DLG1: variants seen among roughly 807,000 people sequenced by gnomAD.
DLG1 encodes disks large homolog 1.
DLG1 carries 42 observed loss-of-function variants against 123.4 expected under a neutral mutation model. The ratio of observed to expected loss-of-function variants is 0.34; its 90% CI spans 0.27 to 0.44. The LOEUF is 0.44. Among genes scored for constraint, DLG1 ranks in the 20% least tolerant of loss-of-function variants. The probability of loss-of-function intolerance (pLI) is 1.00; values close to 1 mark genes in which losing one functional copy is unlikely to be tolerated. For synonymous variants in DLG1, 317 were observed against 356.2 expected, an observed-to-expected ratio of 0.89 and a Z score of 1.24; for missense variants, 942 against 1,082.6, an observed-to-expected ratio of 0.87 and a Z score of 1.82.
intron 11 of DLG1, among the ~76,000 whole-genome samples, chr3:197,123,710 C>T (rs972033162): frequency 1.3e-5 from 2 of 152,044 alleles, no homozygotes; most frequent in African/African-American, 4.8e-5. Flanking sequence ...ATATGCCTAC[C>T]CTGTAACACA....
chr3:197,065,902 T>C, intron 20 of DLG1, 93 bp from the exon 21 acceptor site: 1 of 776,190 alleles, frequency 1.3e-6, no homozygotes, highest in South Asian at 2.0e-5. Context: ...CCTTAACTGT[T>C]ATGACTAATT....
chr3:197,129,877 G>C (rs1245943723), intron 11 of DLG1, among the ~76,000 whole-genome samples: 1 of 152,034 alleles, frequency 6.6e-6, no homozygotes, highest in Non-Finnish European at 1.5e-5. Context: ...ATATGAGTGT[G>C]GTTGTGGCAC....
chr3:197,185,650 T>C lies in DLG1; in HGVS notation c.483+8775A>G, dbSNP rs376449189. On this transcript the variant is annotated intron_variant, in intron 5 of 24. Coordinates refer to ENST00000667157, the MANE Select transcript of DLG1 (RefSeq NM_001366207.1). ...ACCAGGTACCTAGTAAAGACCTGAT[T>C]AGTGTGGTTTATATAAATGCTACGG... is the stretch of plus-strand genomic sequence containing the variant. Among the ~76,000 whole-genome samples, 5 of 152,270 alleles carry C rather than the reference T, an allele frequency of 3.3e-5. No individual in the cohort carries two copies. The South Asian group carries it at 8.3e-4, about 25-fold the overall frequency.
intron 23 of DLG1, 81 bp from the exon 24 acceptor site, chr3:197,051,749 T>C: frequency 2.0e-6 from 2 of 994,398 alleles, no homozygotes; most frequent in Non-Finnish European, 2.9e-6. Flanking sequence ...AGATGACACA[T>C]AAAATAGAAA....
At chr3:197,282,636 T>C (rs768781885) in intron 4 of DLG1, 43 bp downstream of exon 4, 9 of 1,343,008 alleles carry the variant, frequency 6.7e-6, no homozygotes, top group Non-Finnish European at 7.9e-6. Flanking sequence ...CATAAATAAA[T>C]TGATCACCAA....
intron 13 of DLG1, among the ~76,000 whole-genome samples, chr3:197,110,097 C>T (rs749101473): frequency 1.3e-5 from 2 of 152,052 alleles, no homozygotes; most frequent in Non-Finnish European, 2.9e-5. Flanking sequence ...CTCTCTTTCC[C>T]ATCTTTCACA....
intron 13 of DLG1, among the ~76,000 whole-genome samples, chr3:197,112,274 A>T (rs1219684196): frequency 6.6e-6 from 1 of 152,192 alleles, no homozygotes; most frequent in Non-Finnish European, 1.5e-5. Flanking sequence ...GCAAATGTGA[A>T]TTTCGTGCAG....
intron 14 of DLG1, among the ~76,000 whole-genome samples, chr3:197,096,241 C>A (rs1760569627): frequency 6.6e-6 from 1 of 152,224 alleles, no homozygotes; most frequent in Non-Finnish European, 1.5e-5. Context: ...TTACAGGATT[C>A]ATGTTTAAGT....
Position 197,059,954 on chromosome 3 carries a change from T to C in DLG1, c.2418A>G (p.Arg806=). The change falls in exon 23 of 25, where the codon AGA becomes AGG. Residue 806 remains arginine (R), a synonymous_variant. Coordinates refer to ENST00000667157, the MANE Select transcript of DLG1 (RefSeq NM_001366207.1). ...ILDVSGNAIK[R]LQIAQLYPIS... is the part of the protein sequence containing the mutation. ...TAGGGTAAAGCTGTGCAATCTGTAA[T>C]CTCTTTATGGCATTTCCAGACACAT... The C allele has an allele frequency of 6.2e-7, 1 of 1,613,840 alleles. No individual in the cohort carries two copies. Among genetic ancestry groups the C allele is most frequent in the Non-Finnish European group, 8.5e-7 (1 of 1,179,904 alleles).
intron 14 of DLG1, 64 bp from the exon 15 acceptor site, chr3:197,091,090 G>A (rs971462192): frequency 4.6e-6 from 5 of 1,091,886 alleles, no homozygotes; most frequent in African/African-American, 3.2e-5. Context: ...TGAAGATAAC[G>A]TATTAAATAT....
intron 3 of DLG1, among the ~76,000 whole-genome samples, chr3:197,294,590 G>A (rs1036816753): frequency 1.3e-5 from 2 of 151,242 alleles, no homozygotes; most frequent in Non-Finnish European, 2.9e-5. Context: ...CCTGGCAGGC[G>A]GAGCTTGCAG....
intron 4 of DLG1, among the ~76,000 whole-genome samples, chr3:197,210,787 C>A (rs907184140): frequency 6.9e-6 from 1 of 144,830 alleles, no homozygotes; most frequent in Non-Finnish European, 1.5e-5. Context: ...TTACATAATT[C>A]TTTCAATAAA....
intron 4 of DLG1, among the ~76,000 whole-genome samples, chr3:197,206,142 G>A (rs934497419): frequency 2.0e-5 from 3 of 152,084 alleles, no homozygotes; most frequent in African/African-American, 7.2e-5. Context: ...GGGTAGGCAG[G>A]GAGGGCATTA....
chr3:197,124,521 G>A (rs531047884), intron 11 of DLG1, among the ~76,000 whole-genome samples: 19 of 152,072 alleles, frequency 1.2e-4, no homozygotes, highest in African/African-American at 3.9e-4. Context: ...TGCTCCGCCC[G>A]CCTCGGCCTC....
At chr3:197,163,754 G>A (rs1799908600) in intron 5 of DLG1, among the ~76,000 whole-genome samples, 1 of 141,956 alleles carries the variant, frequency 7.0e-6, no homozygotes, top group Non-Finnish European at 1.5e-5. Context: ...GGCCAGGCTG[G>A]TCTTGAACTC....
chr3:197,278,703 G>A (rs1271558398), intron 4 of DLG1, among the ~76,000 whole-genome samples: 1 of 151,230 alleles, frequency 6.6e-6, no homozygotes, highest in East Asian at 1.9e-4. Context: ...CAAAGTAACT[G>A]ACAAATGACC....
chr3:197,087,872 C>G (rs1755349956), intron 15 of DLG1, among the ~76,000 whole-genome samples: 1 of 152,176 alleles, frequency 6.6e-6, no homozygotes, highest in Non-Finnish European at 1.5e-5. Context: ...ACCAAAGTTC[C>G]TTTTCCCAGT....
chr3:197,052,472 T>G (rs1728569950), intron 23 of DLG1, among the ~76,000 whole-genome samples: 1 of 151,848 alleles, frequency 6.6e-6, no homozygotes, highest in Admixed American at 6.6e-5. Flanking sequence ...ACAAAATAAA[T>G]AAATAAATAA....
chr3:197,184,961 G>A (rs573384028), intron 5 of DLG1, among the ~76,000 whole-genome samples: 1 of 152,266 alleles, frequency 6.6e-6, no homozygotes, highest in South Asian at 2.1e-4. Flanking sequence ...TTTACGGGCA[G>A]GGGGAACCTG....
Sources: gnomAD v4.1 joint callset for allele counts (sites outside exome capture counted in the v4.1 genomes callset) on GRCh38, gnomAD v4.1.1 for gene constraint, MANE v1.5 for transcripts, NCBI Gene and HGNC (gene_info 2026-07-23, HGNC 2026-07-21) for gene names.